CNOT4: variants seen among roughly 807,000 people sequenced by gnomAD.
CNOT4 encodes the protein CCR4-associated factor 4.
CNOT4 carries 8 observed loss-of-function variants against 73.8 expected under a neutral mutation model. The ratio of observed to expected loss-of-function variants is 0.11; its 90% CI spans 0.06 to 0.20. The LOEUF (loss-of-function observed/expected upper bound fraction) is 0.20, where lower values mean the gene tolerates loss of function less well. CNOT4 is among the 10% of genes least tolerant of loss of function. The pLI is 1.00. For synonymous variants in CNOT4, 293 were observed against 321.1 expected (o/e 0.91, Z 0.94); for missense variants, 564 against 883.4 (o/e 0.64, Z 4.58).
chr7:135,375,732 G>A (rs1246643959), intron 10 of CNOT4, among the ~76,000 whole-genome samples: 1 of 152,150 alleles, frequency 6.6e-6, no homozygotes, highest in Non-Finnish European at 1.5e-5. Flanking sequence ...AGACCAGCCT[G>A]GCCAACATAG....
At chr7:135,454,544 C>T (rs1046036058) in intron 1 of CNOT4, among the ~76,000 whole-genome samples, 2 of 151,192 alleles carry the variant, frequency 1.3e-5, no homozygotes, top group African/African-American at 2.4e-5. Flanking sequence ...TGCGGTGGTA[C>T]GCACCTGTGG....
chr7:135,440,432 A>G (rs1461028985), intron 1 of CNOT4, among the ~76,000 whole-genome samples: 1 of 152,100 alleles, frequency 6.6e-6, no homozygotes, highest in African/African-American at 2.4e-5. Flanking sequence ...TCAAAAGAGG[A>G]AATGGGAACA....
chr7:135,438,611 A>G (rs1377548398), intron 1 of CNOT4, among the ~76,000 whole-genome samples, 188 bp from the exon 2 acceptor site: 1 of 152,204 alleles, frequency 6.6e-6, no homozygotes, highest in Non-Finnish European at 1.5e-5. Context: ...CATCATTAAT[A>G]TTTTGGATTC....
At chr7:135,426,948 T>C (rs983527496) in intron 2 of CNOT4, among the ~76,000 whole-genome samples, 3 of 149,658 alleles carry the variant, frequency 2.0e-5, no homozygotes, top group Admixed American at 6.7e-5. Context: ...AGGAAAAATA[T>C]ATCTGATCAA....
At chr7:135,433,806 T>C (rs1798996878) in intron 2 of CNOT4, among the ~76,000 whole-genome samples, 1 of 152,206 alleles carries the variant, frequency 6.6e-6, no homozygotes, top group Non-Finnish European at 1.5e-5. Context: ...GCACCACCTA[T>C]GTTCCCATAT....
rs1257450541 is a variant in CNOT4 at position 135,363,008 on chromosome 7, G to A, written c.2019C>T (p.Pro673=). The change falls in exon 12 of 12, where the codon CCC becomes CCT. Residue 673 remains proline, a synonymous_variant. Coordinates refer to ENST00000541284, the MANE Select transcript of CNOT4 (RefSeq NM_001190850.2). This position sits in a 1 kb window ranked among gnomAD's most constrained non-coding sequence, Gnocchi z 4.3. The part of the protein sequence containing the change: ...QIPLHRASWN[P]YPPPSNPSSF... ...TGGAAGGGTTTGAAGGAGGAGGGTA[G>A]GGATTCCAACTGGCTCTGTGCAGCG... 6.2e-7 allele frequency: 1 copy of A among 1,613,706 alleles called. No individual in the cohort carries two copies. Among genetic ancestry groups the A allele is most frequent in the Non-Finnish European group, 8.5e-7 (1 of 1,179,902 alleles).
intron 10 of CNOT4, among the ~76,000 whole-genome samples, chr7:135,376,280 C>T (rs1216775721): frequency 6.6e-6 from 1 of 152,198 alleles, no homozygotes; most frequent in Admixed American, 6.5e-5. Flanking sequence ...TGCATGTCTA[C>T]TCTGTACCAT....
At chr7:135,379,582 A>ATG (rs1052996042) in intron 10 of CNOT4, among the ~76,000 whole-genome samples, 21 of 152,166 alleles carry the variant, frequency 1.4e-4, no homozygotes, top group East Asian at 1.2e-3. Context: ...GTATATATAT[A>ATG]TGTGTGTGTG....
chr7:135,494,470 C>CA lies in CNOT4; in HGVS notation c.-93+15418dup, dbSNP rs34284664. Among the ~76,000 whole-genome samples the CA allele has an allele frequency of 2.9e-3, 214 of 72,882 alleles. 2 individuals are homozygous for CA. The highest frequency in any genetic ancestry group is 4.1e-3 in the African/African-American group (73 of 17,650). 47.8% of individuals were successfully genotyped at this position (72,882 alleles called of 152,430 possible). On this transcript the variant is annotated intron_variant, in intron 1 of 11. Coordinates refer to ENST00000541284, the MANE Select transcript of CNOT4 (RefSeq NM_001190850.2). ...GGGCAACAAGAATGAAATTCCGTCTCAAAAAAAAAAAAAAAAAAAAAAAGG... is the reference window on the plus strand; with the variant it reads ...GGGCAACAAGAATGAAATTCCGTCTCAAAAAAAAAAAAAAAAAAAAAAAAGG...
intron 2 of CNOT4, among the ~76,000 whole-genome samples, chr7:135,427,727 C>T (rs1426054479): frequency 2.0e-5 from 3 of 152,146 alleles, no homozygotes; most frequent in Non-Finnish European, 4.4e-5. Context: ...CTAATTAACC[C>T]TTTTACTAAA....
intron 10 of CNOT4, among the ~76,000 whole-genome samples, chr7:135,366,741 C>CT (rs1794938792): frequency 1.3e-5 from 2 of 152,168 alleles, no homozygotes; most frequent in Admixed American, 1.3e-4. Context: ...GATCATATTC[C>CT]ATCTAGCTTA....
At position 135,438,269 on chromosome 7, in the gene CNOT4, C is replaced by A. The variant is rs765580886; in HGVS notation, c.63G>T (p.Leu21Phe). 3.7e-6 allele frequency: 6 copies of A among 1,613,706 alleles called. No homozygotes were observed. The highest frequency in any genetic ancestry group is 5.1e-6 in the Non-Finnish European group (6 of 1,179,756). Residue 21 changes from leucine to phenylalanine, a missense_variant, in exon 2 of 12, where the codon TTG becomes TTT. By Grantham distance (22) the Leu-to-Phe change is conservative. Transcript: ENST00000541284. ...GGAAAAAGTTGATATCATCTATCTC[C>A]AAGGGCTCCATGCAAAGAGGGCACT... is the stretch of plus-strand genomic sequence containing the variant. ...PVECPLCMEP[L>F]EIDDINFFPC...
At chr7:135,419,349 G>A (rs904038557) in intron 3 of CNOT4, among the ~76,000 whole-genome samples, 3 of 152,044 alleles carry the variant, frequency 2.0e-5, no homozygotes, top group Non-Finnish European at 4.4e-5. Flanking sequence ...TGAAAGTGAC[G>A]CTAACAATTT....
chr7:135,490,108 A>G (rs1446576437), intron 1 of CNOT4, among the ~76,000 whole-genome samples: 2 of 152,232 alleles, frequency 1.3e-5, no homozygotes, highest in Admixed American at 6.5e-5. Context: ...CAAAGTACTC[A>G]ATAAAAATAT....
At chr7:135,432,318 C>T (rs1798898683) in intron 2 of CNOT4, among the ~76,000 whole-genome samples, 2 of 152,114 alleles carry the variant, frequency 1.3e-5, no homozygotes, top group African/African-American at 2.4e-5. Flanking sequence ...TATCATGACC[C>T]CTACCTCACA....
intron 1 of CNOT4, among the ~76,000 whole-genome samples, chr7:135,442,289 A>AG (rs1799524650): frequency 6.6e-6 from 1 of 152,206 alleles, no homozygotes; most frequent in African/African-American, 2.4e-5. Flanking sequence ...AAGCCAGACA[A>AG]CTAATATTAA....
intron 3 of CNOT4, among the ~76,000 whole-genome samples, chr7:135,416,476 C>T (rs997105939): frequency 1.3e-5 from 2 of 152,074 alleles, no homozygotes; most frequent in Non-Finnish European, 2.9e-5. Flanking sequence ...ACCCAAAACC[C>T]CTGAGGGATA....
In CNOT4 at chr7:135,446,475, C is replaced by T. The variant is rs77227450; in HGVS notation, c.-92-8052G>A. Among the ~76,000 whole-genome samples, 346 of 152,224 alleles carry T rather than the reference C, an allele frequency of 2.3e-3. 13 individuals carry two copies. In the East Asian group the frequency reaches 0.054, roughly 24 times the overall value. ...AAAAAAGAAAAATATGCTGTATACA[C>T]TTAACTATAGTACATAACAGTACTT... On this transcript the variant is annotated intron_variant, in intron 1 of 11. Coordinates refer to ENST00000541284, the MANE Select transcript of CNOT4 (RefSeq NM_001190850.2).
intron 7 of CNOT4, among the ~76,000 whole-genome samples, chr7:135,407,042 C>A: frequency 6.6e-6 from 1 of 152,226 alleles, no homozygotes; most frequent in East Asian, 1.9e-4. Flanking sequence ...TTGGGCCATC[C>A]CCTTGGTGAT....
Sources: allele counts gnomAD v4.1 joint callset (sites outside exome capture counted in the v4.1 genomes callset), GRCh38; gene constraint gnomAD v4.1.1; non-coding constraint Gnocchi (gnomAD v3.1); transcripts MANE v1.5; gene names NCBI Gene and HGNC (gene_info 2026-07-23, HGNC 2026-07-21).